Variants in LRRTM4 observed in about 807,000 individuals in gnomAD.
LRRTM4 encodes leucine-rich repeat transmembrane neuronal protein 4.
LRRTM4 carries 25 observed loss-of-function variants against 47.6 expected under a neutral mutation model. The observed-to-expected ratio is 0.53, with a 90% confidence interval of 0.38 to 0.73. LRRTM4 has a LOEUF of 0.73. Ranked by LOEUF, LRRTM4 falls within the 30% of genes least tolerant of loss-of-function variation. The pLI, the probability that LRRTM4 is intolerant of heterozygous loss-of-function variation, is 0.00. For missense variants in LRRTM4, 638 were observed against 713.4 expected (o/e 0.89, Z 1.20); for synonymous variants, 311 against 269.5 (o/e 1.15, Z -1.51).
intron 3 of LRRTM4, among the ~76,000 whole-genome samples, chr2:76,769,161 A>T (rs1673580495): frequency 6.6e-6 from 1 of 152,140 alleles, no homozygotes; most frequent in African/African-American, 2.4e-5. Context: ...GGTCATTAAC[A>T]TCTTCATAGG....
intron 3 of LRRTM4, among the ~76,000 whole-genome samples, chr2:77,090,900 G>A (rs755422053): frequency 6.6e-6 from 1 of 152,066 alleles, no homozygotes; most frequent in Non-Finnish European, 1.5e-5. Context: ...CCGAGCTTCA[G>A]GTAACTCTCA....
intron 3 of LRRTM4, among the ~76,000 whole-genome samples, chr2:77,081,291 C>CACACACAT (rs1342995493): frequency 1.8e-4 from 27 of 146,626 alleles, no homozygotes; most frequent in East Asian, 2.0e-4. Flanking sequence ...CACACACACA[C>CACACACAT]ATAAATTTGT....
intron 3 of LRRTM4, among the ~76,000 whole-genome samples, chr2:77,374,128 G>T (rs890890638): frequency 8.6e-5 from 13 of 151,712 alleles, no homozygotes; most frequent in African/African-American, 2.9e-4. Context: ...ATTTCAGGAA[G>T]CTTGGCACAG....
intron 3 of LRRTM4, among the ~76,000 whole-genome samples, chr2:77,096,886 A>G (rs1670827290): frequency 1.3e-5 from 2 of 151,992 alleles, no homozygotes. Flanking sequence ...CTATCAACTT[A>G]AGGTAATTGG....
intron 3 of LRRTM4, among the ~76,000 whole-genome samples, chr2:77,359,606 T>C (rs534397915): frequency 1.5e-3 from 226 of 152,352 alleles, no homozygotes; most frequent in Admixed American, 5.0e-3. Context: ...ATTAAGGTTT[T>C]TCAGTCCTTC....
intron 3 of LRRTM4, among the ~76,000 whole-genome samples, chr2:76,878,066 C>T (rs529112695): frequency 7.2e-5 from 11 of 152,224 alleles, no homozygotes; most frequent in African/African-American, 2.2e-4. Context: ...AGCGTATGTT[C>T]ACTTCATGTC....
At chr2:77,008,110 G>A (rs1048073410) in intron 3 of LRRTM4, among the ~76,000 whole-genome samples, 6 of 152,094 alleles carry the variant, frequency 3.9e-5, no homozygotes, top group Non-Finnish European at 8.8e-5. Flanking sequence ...TTTGGCCAGA[G>A]GCATCAATGA....
At chr2:77,251,191 A>G (rs1186216811) in intron 3 of LRRTM4, among the ~76,000 whole-genome samples, 1 of 34,684 alleles carries the variant, frequency 2.9e-5, no homozygotes, top group Non-Finnish European at 6.1e-5. Context: ...ATATATATAC[A>G]CACACACACA....
At chr2:76,795,278 ATATACT>A (rs1156954473) in intron 3 of LRRTM4, among the ~76,000 whole-genome samples, 3 of 152,232 alleles carry the variant, frequency 2.0e-5, no homozygotes, top group Admixed American at 2.0e-4. Context: ...TACAAATTTC[ATATACT>A]TATTGTGTAC....
chr2:77,201,589 G>GT (rs1673976418), intron 3 of LRRTM4, among the ~76,000 whole-genome samples: 1 of 152,032 alleles, frequency 6.6e-6, no homozygotes, highest in Non-Finnish European at 1.5e-5. Flanking sequence ...AGAAGAGATA[G>GT]TTTTTCAAGT....
intron 3 of LRRTM4, among the ~76,000 whole-genome samples, chr2:77,512,437 G>A (rs902052502): frequency 6.6e-6 from 1 of 152,046 alleles, no homozygotes; most frequent in African/African-American, 2.4e-5. Context: ...CTCAATGAAT[G>A]ATGGTTCTTC....
At chr2:77,032,508 G>C (rs766334216) in intron 3 of LRRTM4, among the ~76,000 whole-genome samples, 15 of 151,984 alleles carry the variant, frequency 9.9e-5, no homozygotes, top group Admixed American at 7.9e-4. Context: ...AGCAGAAATT[G>C]GCACAAAATA....
chr2:77,420,187 C>G (rs546176070), intron 3 of LRRTM4, among the ~76,000 whole-genome samples: 2 of 152,314 alleles, frequency 1.3e-5, no homozygotes, highest in Admixed American at 1.3e-4. Context: ...GCTGGGAGAT[C>G]TCCCTCAGTG....
intron 3 of LRRTM4, among the ~76,000 whole-genome samples, chr2:77,438,205 T>C (rs1675678715): frequency 6.6e-6 from 1 of 152,078 alleles, no homozygotes; most frequent in South Asian, 2.1e-4. Flanking sequence ...GTTATAGCTC[T>C]GAATTAAAAC....
At chr2:77,188,925 C>T (rs1673587421) in intron 3 of LRRTM4, among the ~76,000 whole-genome samples, 1 of 152,146 alleles carries the variant, frequency 6.6e-6, no homozygotes, top group Non-Finnish European at 1.5e-5. Context: ...AAAATCACCA[C>T]TACCAGCTTC....
chr2:76,865,986 G>A (rs776161409), intron 3 of LRRTM4, among the ~76,000 whole-genome samples: 3 of 151,624 alleles, frequency 2.0e-5, no homozygotes, highest in Non-Finnish European at 4.4e-5. Flanking sequence ...TTACTATCAG[G>A]GTGATTAGTC....
chr2:76,838,077 AAAGTATAATAAT>A (rs1671568198), intron 3 of LRRTM4, among the ~76,000 whole-genome samples: 1 of 146,320 alleles, frequency 6.8e-6, no homozygotes, highest in Non-Finnish European at 1.5e-5. Flanking sequence ...CCTAAAACTT[AAAGTATAATAAT>A]AATAATAATA....
chr2:76,855,211 A>C (rs1414204930), intron 3 of LRRTM4, among the ~76,000 whole-genome samples: 1 of 152,204 alleles, frequency 6.6e-6, no homozygotes, highest in Non-Finnish European at 1.5e-5. Context: ...CTGGCACAAG[A>C]TCATGGGGCC....
chr2:77,333,571 A>T (rs1290010382), intron 3 of LRRTM4, among the ~76,000 whole-genome samples: 4 of 152,130 alleles, frequency 2.6e-5, no homozygotes, highest in African/African-American at 7.2e-5. Context: ...GTGGTTTGAG[A>T]CTGTGGGTGC....
Sources: allele counts gnomAD v4.1 joint callset (sites outside exome capture counted in the v4.1 genomes callset), GRCh38; gene constraint gnomAD v4.1.1; transcripts MANE v1.5; gene names NCBI Gene and HGNC (gene_info 2026-07-23, HGNC 2026-07-21).